The following ST3GAL3 variants were observed in gnomAD, a reference collection of about 807,000 sequenced individuals.
The protein encoded by ST3GAL3 is CMP-N-acetylneuraminate-beta-1,4-galactoside alpha-2,3-sialyltransferase.
In ST3GAL3, 21 loss-of-function variants were observed where a neutral mutation model predicts 50.1. That is an observed-to-expected ratio of 0.42 (90% CI 0.30 to 0.60). The LOEUF (loss-of-function observed/expected upper bound fraction) is 0.60. Ranked by LOEUF, ST3GAL3 falls within the 20% of genes least tolerant of loss-of-function variation. The pLI is 0.19. For synonymous variants in ST3GAL3, 183 were observed against 190.0 expected (o/e 0.96, Z 0.30); for missense variants, 353 against 489.4 (o/e 0.72, Z 2.63).
Position 43,903,317 on chromosome 1 carries a change from G to A in ST3GAL3, c.744+3590G>A, listed in dbSNP as rs376010425. 2.8e-4 allele frequency among the ~76,000 whole-genome samples: 42 copies of A among 152,302 alleles called. No individual in the cohort carries two copies. The East Asian group carries it at 4.4e-3, about 16-fold the overall frequency. ...GGGGTCTGGAGAGGACAGGACATGT[G>A]AGAGGCAGAGCCTCCCATCCCCATC... On this transcript the variant is annotated intron_variant, in intron 9 of 11. Transcript: ENST00000347631.
intron 5 of ST3GAL3, among the ~76,000 whole-genome samples, chr1:43,866,803 C>T (rs2071426352): frequency 6.6e-6 from 1 of 151,924 alleles, no homozygotes; most frequent in South Asian, 2.1e-4. Context: ...CCTCACAAGT[C>T]ACTCCAAAAG....
rs1008229610 is a variant in ST3GAL3, at chr1:43,737,754, C to G, written c.118+1374C>G. On this transcript the variant is annotated intron_variant, in intron 2 of 11. Coordinates refer to ENST00000347631, the MANE Select transcript of ST3GAL3 (RefSeq NM_006279.5). The surrounding 1 kb of genome is among the most constrained non-coding windows in gnomAD (Gnocchi z 4.0). ...GGAAATGTGTGTGAAGAACAAGGGTCTCCTTTTCCGCTAAGGGCTGCTGAC... is the reference window on the plus strand; with the variant it reads ...GGAAATGTGTGTGAAGAACAAGGGTGTCCTTTTCCGCTAAGGGCTGCTGAC... 1 of 152,158 alleles carries G rather than the reference C, an allele frequency of 6.6e-6. No homozygotes were observed. Among genetic ancestry groups the G allele is most frequent in the African/African-American group, 2.4e-5 (1 of 41,442 alleles). The allele number at this position is 152,158 out of a possible 1,614,324, so 9.4% of individuals were successfully genotyped here.
intron 9 of ST3GAL3, among the ~76,000 whole-genome samples, chr1:43,917,499 ATATATTATATAATATAATATATAT>A (rs1557534740): frequency 1.4e-5 from 1 of 71,992 alleles, no homozygotes; most frequent in African/African-American, 4.9e-5. Flanking sequence ...AATATATATA[ATATATTATATAATATAATATATAT>A]TATATTATAT....
chr1:43,717,798 G>A (rs548106921), intron 1 of ST3GAL3, among the ~76,000 whole-genome samples: 61 of 151,098 alleles, frequency 4.0e-4, no homozygotes, highest in African/African-American at 1.3e-3. Flanking sequence ...GTGAGCCACC[G>A]TGCCTGGCCT....
intron 1 of ST3GAL3, among the ~76,000 whole-genome samples, chr1:43,733,011 C>G (rs1676600348): frequency 6.7e-6 from 1 of 148,334 alleles, no homozygotes; most frequent in Non-Finnish European, 1.5e-5. Flanking sequence ...GACAGCATCT[C>G]TCTGTTGCCC....
chr1:43,775,016 G>A (rs1159442649), intron 2 of ST3GAL3, among the ~76,000 whole-genome samples: 1 of 152,044 alleles, frequency 6.6e-6, no homozygotes, highest in South Asian at 2.1e-4. Flanking sequence ...AGATGCTTAC[G>A]CCACACCTCC....
rs550157911 is a variant in ST3GAL3 at position 43,820,384 on chromosome 1, T to C, written c.209+5451T>C. Among the ~76,000 whole-genome samples the C allele has an allele frequency of 5.3e-5, 8 of 152,310 alleles. No homozygotes were observed. The East Asian group carries it at 1.3e-3, about 26-fold the overall frequency. On this transcript the variant is annotated intron_variant, in intron 4 of 11. Coordinates refer to ENST00000347631, the MANE Select transcript of ST3GAL3 (RefSeq NM_006279.5). ...AACCTAGGACATACCCTTCTCATCA[T>C]TGGCTTTGGCAAAGAATTTATGGCT...
chr1:43,731,560 T>TA (rs1375195430), intron 1 of ST3GAL3, among the ~76,000 whole-genome samples: 1 of 144,118 alleles, frequency 6.9e-6, no homozygotes, highest in African/African-American at 2.5e-5. Flanking sequence ...AATTTTAATT[T>TA]TTTTTTTTTT....
intron 4 of ST3GAL3, chr1:43,824,720 C>T: frequency 6.2e-7 from 1 of 1,613,894 alleles, no homozygotes. Context: ...AGCCAAATTC[C>T]CACTTTGCAG....
chr1:43,784,471 T>C (rs1290617418), intron 2 of ST3GAL3, among the ~76,000 whole-genome samples: 4 of 152,336 alleles, frequency 2.6e-5, no homozygotes, highest in Non-Finnish European at 5.9e-5. Flanking sequence ...ATCGCACCAC[T>C]GTACTCCAGC....
intron 2 of ST3GAL3, among the ~76,000 whole-genome samples, chr1:43,764,090 A>G (rs907706946): frequency 2.0e-5 from 3 of 151,996 alleles, no homozygotes; most frequent in African/African-American, 4.8e-5. Flanking sequence ...TATAATTACA[A>G]TAGTACAAGG....
intron 3 of ST3GAL3, among the ~76,000 whole-genome samples, chr1:43,812,356 C>T (rs916395580): frequency 6.6e-6 from 1 of 152,236 alleles, no homozygotes; most frequent in Non-Finnish European, 1.5e-5. Context: ...CAGATGGACT[C>T]AGTTCCCTCT....
chr1:43,782,086 G>A (rs770541933), intron 2 of ST3GAL3, among the ~76,000 whole-genome samples: 3 of 152,046 alleles, frequency 2.0e-5, no homozygotes, highest in Admixed American at 2.0e-4. Flanking sequence ...TTCTGAAATC[G>A]CCAGTAGCAT....
intron 5 of ST3GAL3, among the ~76,000 whole-genome samples, chr1:43,890,300 G>T (rs1172596518): frequency 1.3e-5 from 2 of 152,172 alleles, no homozygotes; most frequent in Admixed American, 1.3e-4. Flanking sequence ...GGGTATAAAA[G>T]AAACAAAACT....
At chr1:43,894,602 A>ATCTTC in intron 6 of ST3GAL3, 125 bp downstream of exon 6, 1 of 862,390 alleles carries the variant, frequency 1.2e-6, no homozygotes, top group Admixed American at 1.9e-5. Context: ...CTCTCAACAA[A>ATCTTC]TCTTCTCTAC....
chr1:43,715,707 G>A (rs546688649), intron 1 of ST3GAL3, among the ~76,000 whole-genome samples: 1 of 152,290 alleles, frequency 6.6e-6, no homozygotes, highest in East Asian at 1.9e-4. Context: ...AGGATTGCCT[G>A]AGCCTAGGAG....
chr1:43,907,374 A>G (rs537258721), intron 9 of ST3GAL3, among the ~76,000 whole-genome samples: 1 of 152,242 alleles, frequency 6.6e-6, no homozygotes, highest in South Asian at 2.1e-4. Flanking sequence ...AATGTCACCC[A>G]TGGGAGAGAA....
At chr1:43,729,089 C>CTTTTTTT (rs71914132) in intron 1 of ST3GAL3, among the ~76,000 whole-genome samples, 1 of 117,438 alleles carries the variant, frequency 8.5e-6, no homozygotes, top group Non-Finnish European at 1.7e-5. Context: ...AATTATTTTT[C>CTTTTTTT]TTTTTTTTTT....
intron 3 of ST3GAL3, among the ~76,000 whole-genome samples, chr1:43,794,873 A>G (rs1256017024): frequency 1.3e-5 from 2 of 152,230 alleles, no homozygotes; most frequent in Non-Finnish European, 2.9e-5. Flanking sequence ...AAATTAAACC[A>G]TATTTGCTTT....
Sources: gnomAD v4.1 joint callset for allele counts (sites outside exome capture counted in the v4.1 genomes callset) on GRCh38, gnomAD v4.1.1 for gene constraint, Gnocchi (gnomAD v3.1) non-coding constraint, MANE v1.5 for transcripts, NCBI Gene and HGNC (gene_info 2026-07-23, HGNC 2026-07-21) for gene names.